The following C1orf198 variants were observed in gnomAD, a reference collection of about 807,000 sequenced individuals.
The protein encoded by C1orf198 is chromosome 1 open reading frame 198, also known as uncharacterized protein C1orf198.
C1orf198 carries 17 observed loss-of-function variants against 31.4 expected under a neutral mutation model. The observed-to-expected ratio is 0.54, with a 90% CI of 0.37 to 0.81. The LOEUF (loss-of-function observed/expected upper bound fraction) is 0.81, where lower values mean the gene tolerates loss of function less well. Ranked by LOEUF, C1orf198 falls within the 40% of genes least tolerant of loss-of-function variation. The pLI is 0.00. For missense variants in C1orf198, 401 were observed against 450.3 expected (o/e 0.89, Z 0.99); for synonymous variants, 175 against 193.8 (o/e 0.90, Z 0.81).
intron 1 of C1orf198, among the ~76,000 whole-genome samples, chr1:230,859,172 G>T (rs1669947036): frequency 6.6e-6 from 1 of 152,198 alleles, no homozygotes; most frequent in African/African-American, 2.4e-5. Context: ...GCAAGAACAG[G>T]CTCCCTGGGC....
In C1orf198 at chr1:230,847,102, CAAAAAAAAAAA is replaced by C. The variant is rs71179741; in HGVS notation, c.385-3217_385-3207del. ...TGGGCGACAGAGCGAGACTCCGTCT[CAAAAAAAAAAA>C]AAAAAAAAAAAAAAAATCAGCCGGG... is the stretch of plus-strand genomic sequence containing the variant. On this transcript the variant is annotated intron_variant, in intron 2 of 3. Transcript: ENST00000366663. 3.2e-3 allele frequency among the ~76,000 whole-genome samples: 224 copies of C among 69,692 alleles called. 6 individuals are homozygous for C. Among genetic ancestry groups the C allele is most frequent in the African/African-American group, 0.018 (182 of 10,384 alleles). 45.7% of individuals were successfully genotyped at this position (69,692 alleles called of 152,430 possible).
In C1orf198 at chr1:230,837,538, A is replaced by G. The variant is rs1669333091; in HGVS notation, c.*2314T>C. 6.6e-6 allele frequency: 1 copy of G among 152,078 alleles called. No homozygotes were observed. The highest frequency in any genetic ancestry group is 1.5e-5 in the Non-Finnish European group (1 of 68,016). The allele number at this position is 152,078 out of a possible 1,614,324, so 9.4% of individuals were successfully genotyped here. The stretch of plus-strand genomic sequence containing the variant: ...TAAATATAAACTCCTGGTTTGAGAA[A>G]CTCCCTCATGATGAATGGGAGGAAA... On this transcript the variant is annotated 3_prime_UTR_variant, in exon 4 of 4. Coordinates refer to ENST00000366663, the MANE Select transcript of C1orf198 (RefSeq NM_032800.3).
intron 1 of C1orf198, among the ~76,000 whole-genome samples, chr1:230,860,362 A>C (rs1277103883): frequency 6.6e-6 from 1 of 152,234 alleles, no homozygotes; most frequent in Non-Finnish European, 1.5e-5. Context: ...TCCTAGGTAT[A>C]CACCCGAAAG....
At chr1:230,855,603 G>T in intron 2 of C1orf198, 65 bp downstream of exon 2, 3 of 1,549,264 alleles carry the variant, frequency 1.9e-6, no homozygotes, top group Non-Finnish European at 2.6e-6. Context: ...AATGCTGAAA[G>T]AAAAATATAC....
Position 230,843,396 on chromosome 1 carries a change from G to A in C1orf198, c.885C>T (p.Asp295=), listed in dbSNP as rs770434499. ...GKLPSPDVRQ[D]DGEDTLFSEP... ...CCGAGAACAGGGTGTCTTCCCCATC[G>A]TCCTGCCTGACATCAGGAGATGGCA... Residue 295 remains aspartate, a synonymous_variant, in exon 3 of 4, where the codon GAC becomes GAT. Transcript: ENST00000366663. The surrounding 1 kb of genome is among the most constrained non-coding windows in gnomAD (Gnocchi z 4.9). 3.9e-5 allele frequency: 61 copies of A among 1,565,546 alleles called. No individual in the cohort carries two copies. The highest frequency in any genetic ancestry group is 8.2e-5 in the African/African-American group (6 of 73,572).
rs762570612 is a variant in C1orf198, at chr1:230,868,369, C to G, written c.144G>C (p.Glu48Asp). 2.2e-5 allele frequency: 35 copies of G among 1,599,640 alleles called. No homozygotes were observed. The highest frequency in any genetic ancestry group is 2.9e-5 in the Non-Finnish European group (34 of 1,173,868). The part of the protein sequence containing the change: ...PMARKIMQDK[E>D]KIREKYGPEW... ...CGGGCCCGTACTTCTCGCGGATCTTCTCCTTGTCCTGCATGATCTTCCTGG... is the reference window on the plus strand; with the variant it reads ...CGGGCCCGTACTTCTCGCGGATCTTGTCCTTGTCCTGCATGATCTTCCTGG... The change falls in exon 1 of 4, where the codon GAG becomes GAC. Residue 48 changes from glutamate to aspartate, a missense_variant. Physicochemically the swap from Glu to Asp is conservative, Grantham distance 45. Transcript: ENST00000366663.
rs565037009 is a variant in C1orf198 at position 230,839,399 on chromosome 1, T to A, written c.*453A>T. On this transcript the variant is annotated 3_prime_UTR_variant, in exon 4 of 4. Coordinates refer to ENST00000366663, the MANE Select transcript of C1orf198 (RefSeq NM_032800.3). ...AGTCTTTCCGGGGTCACAGCCAGCATGCTGATGTCATGGCTGATAACATCA... is the reference window on the plus strand; with the variant it reads ...AGTCTTTCCGGGGTCACAGCCAGCAAGCTGATGTCATGGCTGATAACATCA... 1 of 166,318 alleles carries A rather than the reference T, an allele frequency of 6.0e-6. No homozygotes were observed. The highest frequency in any genetic ancestry group is 6.5e-5 in the Admixed American group (1 of 15,360). The allele number at this position is 166,318 out of a possible 1,614,324, so 10.3% of individuals were successfully genotyped here. A position where few individuals can be genotyped will look rare whatever the true frequency, so the allele number is the denominator to read the frequency against.
intron 2 of C1orf198, among the ~76,000 whole-genome samples, chr1:230,850,187 A>G (rs1669704591): frequency 6.6e-6 from 1 of 152,216 alleles, no homozygotes; most frequent in Non-Finnish European, 1.5e-5. Context: ...TTTTTCCTCT[A>G]TCACAGTGCT....
intron 2 of C1orf198, among the ~76,000 whole-genome samples, chr1:230,851,941 G>C (rs1323668352): frequency 1.3e-5 from 2 of 152,240 alleles, no homozygotes; most frequent in Admixed American, 1.3e-4. Context: ...AGGTGCAGCA[G>C]TTGGGTGAGA....
At chr1:230,859,361 C>T (rs12407450) in intron 1 of C1orf198, among the ~76,000 whole-genome samples, 2 of 152,092 alleles carry the variant, frequency 1.3e-5, no homozygotes, top group Admixed American at 6.6e-5. Flanking sequence ...TTCCCACCCC[C>T]CTCTCTGGCG....
intron 1 of C1orf198, among the ~76,000 whole-genome samples, chr1:230,860,502 T>C (rs1308979796): frequency 1.3e-5 from 2 of 152,186 alleles, no homozygotes; most frequent in Non-Finnish European, 2.9e-5. Flanking sequence ...ATGTGGTCTA[T>C]CCATCCAATG....
chr1:230,859,008 G>A (rs1669942715), intron 1 of C1orf198, among the ~76,000 whole-genome samples: 2 of 152,256 alleles, frequency 1.3e-5, no homozygotes, highest in East Asian at 3.9e-4. Context: ...AGCAAGAAAT[G>A]AAGTCAAGGG....
intron 1 of C1orf198, among the ~76,000 whole-genome samples, chr1:230,865,708 G>A (rs1368862805): frequency 6.6e-6 from 1 of 152,232 alleles, no homozygotes; most frequent in East Asian, 1.9e-4. Flanking sequence ...CGGAACTTCA[G>A]TGAGTGAACT....
intron 1 of C1orf198, among the ~76,000 whole-genome samples, chr1:230,856,541 T>C (rs566115835): frequency 1.3e-5 from 2 of 152,258 alleles, no homozygotes; most frequent in South Asian, 2.1e-4. Context: ...CCAGCTTCGA[T>C]TGGGTAACTT....
At chr1:230,853,628 G>A (rs538014196) in intron 2 of C1orf198, among the ~76,000 whole-genome samples, 2 of 152,210 alleles carry the variant, frequency 1.3e-5, no homozygotes, top group African/African-American at 4.8e-5. Context: ...GGAAGGTGAG[G>A]ACACAGAGTG....
chr1:230,839,833 T>G lies in C1orf198; in HGVS notation c.*19A>C. ...TGGAAAACATTTTAGGGTTCTTCATTGTATTTTTCTAATACATTTTACCAA... is the reference window on the plus strand; with the variant it reads ...TGGAAAACATTTTAGGGTTCTTCATGGTATTTTTCTAATACATTTTACCAA... On this transcript the variant is annotated 3_prime_UTR_variant, in exon 4 of 4. Transcript: ENST00000366663. 1.2e-6 allele frequency: 2 copies of G among 1,606,226 alleles called. No individual in the cohort carries two copies. Among genetic ancestry groups the G allele is most frequent in the Non-Finnish European group, 1.7e-6 (2 of 1,176,024 alleles).
chr1:230,868,243 C>A lies in C1orf198; in HGVS notation c.270G>T (p.Glu90Asp). ...CGCGCAAGCCGGGGAAGCGCGTGAG[C>A]TCCTCCGAGTCCCCGGGGTCTCGGG... ...PAPRDPGDSE[E>D]LTRFPGLRGP... Residue 90 changes from glutamate to aspartate, a missense_variant, in exon 1 of 4, where the codon GAG (glutamate) becomes GAT (aspartate). By Grantham distance (45) the Glu-to-Asp change is conservative. Transcript: ENST00000366663. 6.4e-7 allele frequency: 1 copy of A among 1,559,948 alleles called. No individual in the cohort carries two copies. The highest frequency in any genetic ancestry group is 1.2e-5 in the South Asian group (1 of 85,784).
intron 1 of C1orf198, among the ~76,000 whole-genome samples, chr1:230,865,977 C>T (rs1229893619): frequency 1.3e-5 from 2 of 152,216 alleles, no homozygotes; most frequent in African/African-American, 4.8e-5. Context: ...AGGACCACAT[C>T]AGAAGACTGA....
rs370912153 is a variant in C1orf198, at chr1:230,843,373, G to A, written c.908C>T (p.Ser303Leu). 4.6e-5 allele frequency: 71 copies of A among 1,556,122 alleles called. No homozygotes were observed. In the Middle Eastern group the frequency reaches 6.6e-4, roughly 15 times the overall value. Residue 303 changes from serine (S) to leucine (L), a missense_variant, in exon 3 of 4, where the codon TCG (serine) becomes TTG (leucine). Physicochemically the swap from Ser to Leu is moderately radical, Grantham distance 145. Transcript: ENST00000366663. The surrounding 1 kb of genome is among the most constrained non-coding windows in gnomAD (Gnocchi z 4.9). ...ACTCACCTGTGCAAACTTGGGTTCC[G>A]AGAACAGGGTGTCTTCCCCATCGTC... ...RQDDGEDTLFSEPKFAQVSSS... is the reference protein window; with the variant it reads ...RQDDGEDTLFLEPKFAQVSSS...
Sources: gnomAD v4.1 joint callset for allele counts (sites outside exome capture counted in the v4.1 genomes callset) on GRCh38, gnomAD v4.1.1 for gene constraint, Gnocchi (gnomAD v3.1) non-coding constraint, MANE v1.5 for transcripts, NCBI Gene and HGNC (gene_info 2026-07-23, HGNC 2026-07-21) for gene names.